Variants in MSH4 observed in about 807,000 individuals in gnomAD.
MSH4 encodes mutS protein homolog 4.
Under a neutral mutation model 113.7 loss-of-function variants are expected in MSH4, and 106 were observed. That is an observed-to-expected ratio of 0.93 (90% CI 0.80 to 1.10). The LOEUF is 1.10. MSH4 is among the 50% of genes least tolerant of loss of function. MSH4 has a pLI of 0.00. For synonymous variants in MSH4, 368 were observed against 380.2 expected, an observed-to-expected ratio of 0.97 and a Z score of 0.37; for missense variants, 1,061 against 1,093.7, an observed-to-expected ratio of 0.97 and a Z score of 0.42.
At chr1:75,824,435 T>G (rs1557497254) in intron 7 of MSH4, among the ~76,000 whole-genome samples, 1 of 152,232 alleles carries the variant, frequency 6.6e-6, no homozygotes, top group African/African-American at 2.4e-5. Context: ...CTTTTCACTC[T>G]GATGATAGTT....
chr1:75,891,754 G>A (rs767144431), intron 17 of MSH4, among the ~76,000 whole-genome samples: 12 of 152,042 alleles, frequency 7.9e-5, no homozygotes, highest in East Asian at 5.8e-4. Context: ...TGCCCAGCTC[G>A]TAATGATTTA....
At chr1:75,839,683 T>C (rs575765433) in intron 7 of MSH4, among the ~76,000 whole-genome samples, 1 of 151,158 alleles carries the variant, frequency 6.6e-6, no homozygotes, top group South Asian at 2.1e-4. Flanking sequence ...CTAATTAAAC[T>C]AAAGAGCTTC....
chr1:75,873,748 T>TTATATA (rs61020580), intron 9 of MSH4, among the ~76,000 whole-genome samples: 62 of 150,416 alleles, frequency 4.1e-4, no homozygotes, highest in African/African-American at 1.1e-3. Flanking sequence ...GATCTTGTTT[T>TTATATA]TATATATATA....
At chr1:75,832,597 C>T (rs560831197) in intron 7 of MSH4, among the ~76,000 whole-genome samples, 25 of 152,222 alleles carry the variant, frequency 1.6e-4, no homozygotes, top group African/African-American at 3.9e-4. Flanking sequence ...ACGATCAAGG[C>T]GGCTTTCTCC....
Position 75,821,573 on chromosome 1 carries a change from A to T in MSH4, c.990-836A>T, listed in dbSNP as rs553234681. On this transcript the variant is annotated intron_variant, in intron 6 of 19. Transcript: ENST00000263187. Reference sequence around the variant, plus strand: ...CTAAGATCAGAGCAGAAATGAAGGAAATAGAGACACAAAAATCCCTTCAAA... The same window carrying T: ...CTAAGATCAGAGCAGAAATGAAGGATATAGAGACACAAAAATCCCTTCAAA... Among the ~76,000 whole-genome samples, 126 of 152,182 alleles carry T rather than the reference A, an allele frequency of 8.3e-4. 2 individuals carry two copies. Among genetic ancestry groups the T allele is most frequent in the Non-Finnish European group, 9.0e-4 (61 of 68,044 alleles).
intron 12 of MSH4, 31 bp from the exon 13 acceptor site, chr1:75,880,019 T>A (rs775746993): frequency 9.1e-7 from 1 of 1,098,354 alleles, no homozygotes; most frequent in African/African-American, 1.5e-5. Context: ...TGTGCATTTA[T>A]CTTGACATTT....
intron 8 of MSH4, among the ~76,000 whole-genome samples, chr1:75,857,597 T>C (rs1651348985): frequency 6.6e-6 from 1 of 152,202 alleles, no homozygotes; most frequent in African/African-American, 2.4e-5. Flanking sequence ...CAGATGGTCG[T>C]ACATGTGTGG....
chr1:75,910,005 T>C (rs1205264736), intron 19 of MSH4, among the ~76,000 whole-genome samples: 1 of 152,176 alleles, frequency 6.6e-6, no homozygotes, highest in Non-Finnish European at 1.5e-5. Flanking sequence ...GTTCCCTTTA[T>C]TCTCTTTTGC....
At chr1:75,880,949 T>C (rs574852991) in intron 13 of MSH4, among the ~76,000 whole-genome samples, 1 of 151,880 alleles carries the variant, frequency 6.6e-6, no homozygotes, top group Non-Finnish European at 1.5e-5. Context: ...ATATCAAATA[T>C]TCTTAATAAT....
chr1:75,909,881 G>C (rs1259435068), intron 19 of MSH4, among the ~76,000 whole-genome samples: 2 of 151,536 alleles, frequency 1.3e-5, no homozygotes, highest in Non-Finnish European at 2.9e-5. Context: ...GAATATTTCT[G>C]TTTTTCTTCC....
In MSH4 at chr1:75,911,575, A is replaced by G. The variant is rs978794049; in HGVS notation, c.2620-1121A>G. 6.6e-5 allele frequency among the ~76,000 whole-genome samples: 10 copies of G among 152,202 alleles called. 1 individual carries two copies. The highest frequency in any genetic ancestry group is 2.1e-4 in the South Asian group (1 of 4,826). On this transcript the variant is annotated intron_variant, in intron 19 of 19. Coordinates refer to ENST00000263187, the MANE Select transcript of MSH4 (RefSeq NM_002440.4). ...CAACAAGCCTTTTGTTTTTTTAACC[A>G]TTAAGACTGTAAGCTCCTTGAGTTC...
chr1:75,825,366 G>T (rs564786427), intron 7 of MSH4, among the ~76,000 whole-genome samples: 1 of 152,210 alleles, frequency 6.6e-6, no homozygotes, highest in Admixed American at 6.5e-5. Flanking sequence ...TTTTTGGGCT[G>T]AGACGATGGG....
At chr1:75,834,168 C>T (rs1436796599) in intron 7 of MSH4, among the ~76,000 whole-genome samples, 1 of 152,230 alleles carries the variant, frequency 6.6e-6, no homozygotes, top group Non-Finnish European at 1.5e-5. Context: ...ATCCAACAGA[C>T]ACATGAAAAA....
intron 8 of MSH4, among the ~76,000 whole-genome samples, chr1:75,862,657 A>G (rs1371800537): frequency 1.3e-5 from 2 of 152,182 alleles, no homozygotes; most frequent in Non-Finnish European, 2.9e-5. Flanking sequence ...TTTTTTAACC[A>G]TCTGAAAATT....
intron 6 of MSH4, among the ~76,000 whole-genome samples, chr1:75,821,797 G>A (rs779685096): frequency 1.3e-5 from 2 of 151,908 alleles, no homozygotes; most frequent in African/African-American, 2.4e-5. Flanking sequence ...TTGTAGACTC[G>A]GGGTCTCACT....
Position 75,877,009 on chromosome 1 carries a change from C to A in MSH4, c.1370+9C>A. On this transcript the variant is annotated intron_variant, in intron 10 of 19. Coordinates refer to ENST00000263187, the MANE Select transcript of MSH4 (RefSeq NM_002440.4). ...TCCTTGGAAGACAAGAGGTCTTTGT[C>A]ACTCAACCGTTAATAAAAAATAAGA... is the stretch of plus-strand genomic sequence containing the variant. The A allele has an allele frequency of 6.6e-7, 1 of 1,511,662 alleles. No homozygotes were observed. Among genetic ancestry groups the A allele is most frequent in the Non-Finnish European group, 8.9e-7 (1 of 1,121,828 alleles). 93.6% of individuals were successfully genotyped at this position (1,511,662 alleles called of 1,614,324 possible).
At chr1:75,887,018 G>T (rs911754543) in intron 15 of MSH4, among the ~76,000 whole-genome samples, 14 of 151,796 alleles carry the variant, frequency 9.2e-5, no homozygotes, top group Non-Finnish European at 1.9e-4. Flanking sequence ...ATAAAATGAG[G>T]AAAGTCAGGC....
At chr1:75,832,404 A>G (rs1211048074) in intron 7 of MSH4, among the ~76,000 whole-genome samples, 1 of 152,244 alleles carries the variant, frequency 6.6e-6, no homozygotes, top group Non-Finnish European at 1.5e-5. Context: ...TGATCAATAG[A>G]AAAAGAGGGA....
chr1:75,810,603 T>A, intron 3 of MSH4, 94 bp from the exon 4 acceptor site: 1 of 528,660 alleles, frequency 1.9e-6, no homozygotes, highest in Non-Finnish European at 3.2e-6. Context: ...ATTTTGTGTA[T>A]CTATGAATTA....
Sources: allele counts gnomAD v4.1 joint callset (sites outside exome capture counted in the v4.1 genomes callset), GRCh38; gene constraint gnomAD v4.1.1; transcripts MANE v1.5; gene names NCBI Gene and HGNC (gene_info 2026-07-23, HGNC 2026-07-21).